Variants in NSD1 observed in about 807,000 individuals in gnomAD.
The protein encoded by NSD1 is histone-lysine N-methyltransferase, H3 lysine-36 specific.
NSD1 carries 26 observed loss-of-function variants against 242.7 expected under a neutral mutation model. The ratio of observed to expected loss-of-function variants is 0.11; its 90% CI spans 0.08 to 0.15. The LOEUF is 0.15. Among genes scored for constraint, NSD1 ranks in the 10% least tolerant of loss-of-function variants. The pLI is 1.00. For synonymous variants in NSD1, 1,106 were observed against 1,178.1 expected (o/e 0.94, Z 1.25); for missense variants, 2,495 against 3,272.8 (o/e 0.76, Z 5.80).
rs752487790 is a variant in NSD1 at position 177,135,638 on chromosome 5, A to G, written c.535A>G (p.Ser179Gly). 2.5e-6 allele frequency: 4 copies of G among 1,614,220 alleles called. No homozygotes were observed. The South Asian group carries it at 3.3e-5, about 13-fold the overall frequency. ...DPEQPVTEDE[S>G]IEEIFEETQT... The stretch of plus-strand genomic sequence containing the variant: ...AGAACAGCCAGTCACAGAGGATGAG[A>G]GTATAGAGGAGATCTTTGAGGAAAC... Residue 179 changes from serine (S) to glycine (G), a missense_variant, in exon 2 of 23, where the codon AGT (serine) becomes GGT (glycine). Ser to Gly is a moderately conservative substitution (Grantham distance 56). Transcript: ENST00000439151.
At chr5:177,215,219 GC>G (rs1763678582) in intron 5 of NSD1, among the ~76,000 whole-genome samples, 1 of 135,562 alleles carries the variant, frequency 7.4e-6, no homozygotes, top group Admixed American at 7.6e-5. Context: ...CGCTCTTGTT[GC>G]CCAGGCCGGA....
In NSD1 at chr5:177,295,116, T is replaced by C; in HGVS notation, c.7748T>C (p.Met2583Thr). 6.2e-7 allele frequency: 1 copy of C among 1,612,608 alleles called. No individual in the cohort carries two copies. Among genetic ancestry groups the C allele is most frequent in the Non-Finnish European group, 8.5e-7 (1 of 1,178,938 alleles). Residue 2583 changes from methionine (M) to threonine (T), a missense_variant, in exon 23 of 23, where the codon ATG becomes ACG. By Grantham distance (81) the Met-to-Thr change is moderately conservative. This residue lies in a region of NSD1 where 475 missense variants were observed against 563.7 expected (regional missense o/e 0.84). Transcript: ENST00000439151. This position sits in a 1 kb window ranked among gnomAD's most constrained non-coding sequence, Gnocchi z 4.3. ...SPGLVKQAKQ[M>T]VGGQQLPALA... is the part of the protein sequence containing the mutation. ...GGCCTGGTGAAGCAGGCGAAGCAGA[T>C]GGTCGGAGGCCAGCAACTACCTGCA...
intron 8 of NSD1, among the ~76,000 whole-genome samples, chr5:177,242,061 A>G (rs1404918062): frequency 6.6e-6 from 1 of 152,050 alleles, no homozygotes; most frequent in Non-Finnish European, 1.5e-5. Flanking sequence ...TTTTATTCAT[A>G]TGGTATGATT....
intron 2 of NSD1, among the ~76,000 whole-genome samples, chr5:177,151,681 G>A (rs1757711856): frequency 6.7e-6 from 1 of 149,932 alleles, no homozygotes; most frequent in African/African-American, 2.4e-5. Context: ...GAGCCACCGT[G>A]CGTGTCCTTT....
chr5:177,275,161 G>T (rs868451751), intron 17 of NSD1, among the ~76,000 whole-genome samples: 1 of 151,456 alleles, frequency 6.6e-6, no homozygotes, highest in African/African-American at 2.4e-5. Flanking sequence ...AAAAACTTTC[G>T]TTGTTTGTCA....
intron 14 of NSD1, chr5:177,266,099 A>G: frequency 8.9e-7 from 1 of 1,126,142 alleles, no homozygotes; most frequent in South Asian, 1.2e-5. Flanking sequence ...CGTCACATAC[A>G]GTGTGGCCCG....
intron 14 of NSD1, among the ~76,000 whole-genome samples, 170 bp downstream of exon 14, chr5:177,260,338 A>ACTTTTTTT (rs1756892022): frequency 8.1e-6 from 1 of 124,056 alleles, no homozygotes; most frequent in Non-Finnish European, 1.8e-5. Flanking sequence ...ACATAGCAGA[A>ACTTTTTTT]CTTTTTTTTT....
rs181500878 is a variant in NSD1, at chr5:177,150,274, C to T, written c.927+14244C>T. Among the ~76,000 whole-genome samples, 68 of 152,090 alleles carry T rather than the reference C, an allele frequency of 4.5e-4. No homozygotes were observed. In the East Asian group the frequency reaches 0.011, roughly 24 times the overall value. ...TCAGCCTCCTGTGTAGCTGGGATTA[C>T]AGGCACCCGCCACGACGCCTGGCTT... On this transcript the variant is annotated intron_variant, in intron 2 of 22. Coordinates refer to ENST00000439151, the MANE Select transcript of NSD1 (RefSeq NM_022455.5).
upstream of NSD1, among the ~76,000 whole-genome samples, chr5:177,132,753 G>A (rs920989162): frequency 2.0e-5 from 3 of 151,986 alleles, no homozygotes; most frequent in Non-Finnish European, 4.4e-5. This position sits in a 1 kb window ranked among gnomAD's most constrained non-coding sequence, Gnocchi z 7.5. Flanking sequence ...AACCCGACCC[G>A]GCTCCCCAGA....
At chr5:177,280,891 T>C in intron 18 of NSD1, 57 bp downstream of exon 18, 3 of 1,555,562 alleles carry the variant, frequency 1.9e-6, no homozygotes, top group Non-Finnish European at 2.7e-6. Flanking sequence ...CTTGATATCA[T>C]TGATCCTTGA....
chr5:177,158,998 T>TTATA lies in NSD1; in HGVS notation c.927+22992_927+22995dup, dbSNP rs10564918. Among the ~76,000 whole-genome samples the TTATA allele has an allele frequency of 6.0e-3, 733 of 122,572 alleles. 9 individuals carry two copies. The highest frequency in any genetic ancestry group is 0.012 in the African/African-American group (325 of 26,302). The allele number at this position is 122,572 out of a possible 152,430, so 80.4% of individuals were successfully genotyped here. On this transcript the variant is annotated intron_variant, in intron 2 of 22. Coordinates refer to ENST00000439151, the MANE Select transcript of NSD1 (RefSeq NM_022455.5). Reference sequence around the variant, plus strand: ...TATACACACATATATATGAATGATTTTATATATATATATATATATATATAT... The same window carrying TTATA: ...TATACACACATATATATGAATGATTTTATATATATATATATATATATATATATAT...
intron 21 of NSD1, 51 bp downstream of exon 21, chr5:177,288,976 C>G (rs749468323): frequency 7.9e-7 from 1 of 1,259,144 alleles, no homozygotes; most frequent in South Asian, 1.2e-5. Context: ...GGTCCTCCCT[C>G]CCTAACAGTG....
chr5:177,206,661 G>T (rs571990045), intron 4 of NSD1, among the ~76,000 whole-genome samples: 1 of 152,104 alleles, frequency 6.6e-6, no homozygotes, highest in South Asian at 2.1e-4. Context: ...TGTGTTGTTA[G>T]GATGAAAGAG....
intron 4 of NSD1, among the ~76,000 whole-genome samples, chr5:177,206,833 T>C (rs963729761): frequency 1.3e-5 from 2 of 149,836 alleles, no homozygotes; most frequent in Admixed American, 6.6e-5. Context: ...GTCATGAGCA[T>C]TAGTGGATAT....
intron 17 of NSD1, among the ~76,000 whole-genome samples, chr5:177,279,566 G>A (rs911238566): frequency 4.0e-4 from 59 of 149,114 alleles, no homozygotes; most frequent in African/African-American, 1.3e-3. Context: ...TGTGGCAATA[G>A]CAGAAACCTA....
intron 2 of NSD1, among the ~76,000 whole-genome samples, chr5:177,145,650 C>T (rs988498294): frequency 3.3e-5 from 5 of 152,186 alleles, no homozygotes; most frequent in Admixed American, 6.5e-5. Flanking sequence ...TGGTGGCTCA[C>T]GCCTGTAATC....
At chr5:177,287,497 G>A (rs1048851790) in intron 20 of NSD1, among the ~76,000 whole-genome samples, 2 of 152,112 alleles carry the variant, frequency 1.3e-5, no homozygotes, top group African/African-American at 2.4e-5. Context: ...CTAGCTGGGC[G>A]TGGTGGCAGG....
At chr5:177,166,522 G>C (rs1056099558) in intron 2 of NSD1, among the ~76,000 whole-genome samples, 3 of 151,390 alleles carry the variant, frequency 2.0e-5, no homozygotes, top group African/African-American at 7.3e-5. Context: ...TCCAGCCTGG[G>C]TAATAGAGTG....
At chr5:177,284,195 T>C (rs898280575) in intron 20 of NSD1, among the ~76,000 whole-genome samples, 34 of 152,246 alleles carry the variant, frequency 2.2e-4, no homozygotes, top group African/African-American at 1.2e-4. Context: ...TTCTACTTTC[T>C]GTCTCTGAAT....
Sources: allele counts gnomAD v4.1 joint callset (sites outside exome capture counted in the v4.1 genomes callset), GRCh38; gene constraint gnomAD v4.1.1; regional missense constraint gnomAD v4.1.1; non-coding constraint Gnocchi (gnomAD v3.1); transcripts MANE v1.5; gene names NCBI Gene and HGNC (gene_info 2026-07-23, HGNC 2026-07-21).